The following RSBN1 variants were observed in gnomAD, a reference collection of about 807,000 sequenced individuals.
RSBN1 encodes round spermatid basic protein 1, also known as lysine-specific demethylase 9.
Under a neutral mutation model 74.8 loss-of-function variants are expected in RSBN1, and 23 were observed. The observed-to-expected ratio is 0.31, with a 90% CI of 0.22 to 0.44. The LOEUF (loss-of-function observed/expected upper bound fraction) is 0.44. Ranked by LOEUF, RSBN1 falls within the 20% of genes least tolerant of loss-of-function variation. The pLI, the probability that RSBN1 is intolerant of heterozygous loss-of-function variation, is 1.00. For synonymous variants in RSBN1, 407 were observed against 379.6 expected, an observed-to-expected ratio of 1.07 and a Z score of -0.84; for missense variants, 808 against 1,020.9, an observed-to-expected ratio of 0.79 and a Z score of 2.84.
chr1:113,768,381 T>C lies in RSBN1; in HGVS notation c.1667A>G (p.Asn556Ser). 1 of 1,601,350 alleles carries C rather than the reference T, an allele frequency of 6.2e-7. No individual in the cohort carries two copies. Among genetic ancestry groups the C allele is most frequent in the Non-Finnish European group, 8.5e-7 (1 of 1,173,348 alleles). ...KSPFKRRRSM[N>S]EIKNLQYLPR... ...TAGGTACTGGAGATTTTTTATTTCA[T>C]TCATTGATCTAGAGTTGATTTGGTT... The change falls in exon 5 of 7, where the codon AAT (asparagine) becomes AGT (serine). Residue 556 changes from asparagine to serine, a missense_variant. Transcript: ENST00000261441.
chr1:113,768,714 A>T (rs961267528), intron 4 of RSBN1, among the ~76,000 whole-genome samples: 7 of 151,464 alleles, frequency 4.6e-5, no homozygotes, highest in Non-Finnish European at 1.5e-5. Context: ...CTTATTTCCA[A>T]CTCTCAAAAT....
intron 4 of RSBN1, among the ~76,000 whole-genome samples, chr1:113,772,358 T>C (rs890327059): frequency 1.3e-5 from 2 of 151,992 alleles, no homozygotes; most frequent in Admixed American, 6.5e-5. Context: ...CATACATATA[T>C]GCAACTATTA....
chr1:113,773,794 A>G (rs1328493265), intron 4 of RSBN1, among the ~76,000 whole-genome samples: 1 of 151,844 alleles, frequency 6.6e-6, no homozygotes, highest in African/African-American at 2.4e-5. Context: ...CACAAGGTCA[A>G]GAGATCGAGA....
chr1:113,811,876 G>A lies in RSBN1; in HGVS notation c.537C>T (p.Ser179=). 6.2e-7 allele frequency: 1 copy of A among 1,612,994 alleles called. No individual in the cohort carries two copies. ...ALFTFSPLTV[S]AAGPKHKGHK... is the part of the protein sequence containing the mutation. ...GGCCCTTATGCTTGGGCCCGGCCGCGCTCACCGTCAGAGGCGAGAAGGTGA... is the reference window on the plus strand; with the variant it reads ...GGCCCTTATGCTTGGGCCCGGCCGCACTCACCGTCAGAGGCGAGAAGGTGA... Residue 179 remains serine (S), a synonymous_variant, in exon 1 of 7, where the codon AGC becomes AGT. Coordinates refer to ENST00000261441, the MANE Select transcript of RSBN1 (RefSeq NM_018364.5).
chr1:113,778,176 A>C (rs1660065951), intron 2 of RSBN1, among the ~76,000 whole-genome samples: 1 of 152,228 alleles, frequency 6.6e-6, no homozygotes, highest in Non-Finnish European at 1.5e-5. Flanking sequence ...GGAGAAAAAA[A>C]GACCATAGTC....
At chr1:113,781,209 G>A (rs1039329534) in intron 2 of RSBN1, among the ~76,000 whole-genome samples, 1 of 152,056 alleles carries the variant, frequency 6.6e-6, no homozygotes, top group Admixed American at 6.6e-5. Context: ...GCCATCAAAA[G>A]CACCAAGATA....
Position 113,811,981 on chromosome 1 carries a change from C to T in RSBN1, c.432G>A (p.Pro144=). 1 of 1,565,200 alleles carries T rather than the reference C, an allele frequency of 6.4e-7. No individual in the cohort carries two copies. Among genetic ancestry groups the T allele is most frequent in the South Asian group, 1.2e-5 (1 of 85,934 alleles). ...GTGCCAGCGAAGGTGGCGGCGGAGG[C>T]GGCAGGAGAAGAGGCTCAACAGGGC... ...VPGPVEPLLL[P]PPPPPSLAPA... is the part of the protein sequence containing the mutation. Residue 144 remains proline, a synonymous_variant, in exon 1 of 7, where the codon CCG becomes CCA. Transcript: ENST00000261441.
chr1:113,804,912 A>AAG (rs1660672881), intron 1 of RSBN1, among the ~76,000 whole-genome samples: 1 of 151,442 alleles, frequency 6.6e-6, no homozygotes, highest in South Asian at 2.1e-4. Context: ...AAGAGTAAAA[A>AAG]AAAAAAAAAA....
intron 2 of RSBN1, among the ~76,000 whole-genome samples, chr1:113,788,588 G>A (rs1229853599): frequency 6.6e-6 from 1 of 152,106 alleles, no homozygotes; most frequent in Non-Finnish European, 1.5e-5. Flanking sequence ...TTATGGCATT[G>A]GATTTCTCAA....
intron 4 of RSBN1, among the ~76,000 whole-genome samples, chr1:113,776,105 C>A (rs3789598): frequency 0.39 from 59,370 of 151,976 alleles, 12,505 homozygotes; most frequent in East Asian, 0.84. Context: ...CATTTGTCTT[C>A]AAAGTCTGAA....
intron 2 of RSBN1, among the ~76,000 whole-genome samples, chr1:113,790,972 T>G (rs1043191841): frequency 6.6e-6 from 1 of 152,190 alleles, no homozygotes; most frequent in Non-Finnish European, 1.5e-5. Context: ...TGGGAAACTC[T>G]GGCCTGGAAA....
At chr1:113,805,535 A>G (rs1431425658) in intron 1 of RSBN1, among the ~76,000 whole-genome samples, 4 of 152,228 alleles carry the variant, frequency 2.6e-5, no homozygotes. Context: ...CAGTGTGCAT[A>G]GCAGAAAGAG....
chr1:113,789,499 G>A (rs1207437701), intron 2 of RSBN1, among the ~76,000 whole-genome samples: 1 of 152,136 alleles, frequency 6.6e-6, no homozygotes, highest in Non-Finnish European at 1.5e-5. Context: ...TGAGTTCTCT[G>A]AGCTACTCTA....
At chr1:113,767,971 G>C (rs557616757) in intron 5 of RSBN1, 2 of 310,160 alleles carry the variant, frequency 6.4e-6, no homozygotes, top group African/African-American at 2.1e-5. Context: ...CTGGGGGTGA[G>C]AGTAAAAGAG....
chr1:113,792,572 T>G (rs1660388229), intron 2 of RSBN1, among the ~76,000 whole-genome samples: 1 of 152,176 alleles, frequency 6.6e-6, no homozygotes, highest in South Asian at 2.1e-4. Context: ...ATTGTAATAG[T>G]ACACACCCGT....
chr1:113,808,082 G>A (rs953066569), intron 1 of RSBN1, among the ~76,000 whole-genome samples: 3 of 152,006 alleles, frequency 2.0e-5, no homozygotes, highest in Non-Finnish European at 4.4e-5. Context: ...AAATGGTACC[G>A]ACACTCCAGA....
At chr1:113,792,179 T>C (rs1255925160) in intron 2 of RSBN1, among the ~76,000 whole-genome samples, 1 of 152,172 alleles carries the variant, frequency 6.6e-6, no homozygotes, top group Non-Finnish European at 1.5e-5. Context: ...AACATGCAGA[T>C]TTGCCAATCT....
At chr1:113,766,502 AGTC>A in intron 6 of RSBN1, 49 bp from the exon 7 acceptor site, 4 of 1,218,294 alleles carry the variant, frequency 3.3e-6, no homozygotes, top group Non-Finnish European at 4.6e-6. Context: ...GTAATAATTT[AGTC>A]AAGTGAAATA....
intron 2 of RSBN1, among the ~76,000 whole-genome samples, chr1:113,787,627 T>C (rs1243924634): frequency 6.6e-6 from 1 of 152,082 alleles, no homozygotes; most frequent in Non-Finnish European, 1.5e-5. Context: ...AGAGAACCAT[T>C]ACACTGGAAG....
Sources: allele counts gnomAD v4.1 joint callset (sites outside exome capture counted in the v4.1 genomes callset), GRCh38; gene constraint gnomAD v4.1.1; transcripts MANE v1.5; gene names NCBI Gene and HGNC (gene_info 2026-07-23, HGNC 2026-07-21).